DMD: variants seen among roughly 807,000 people sequenced by gnomAD.
The protein encoded by DMD is mutant dystrophin.
DMD carries 63 observed loss-of-function variants against 330.1 expected under a neutral mutation model. The observed-to-expected ratio is 0.19, with a 90% CI of 0.16 to 0.24. The LOEUF is 0.24. Ranked by LOEUF, DMD falls within the 10% of genes least tolerant of loss-of-function variation. The pLI, the probability that DMD is intolerant of heterozygous loss-of-function variation, is 1.00. For synonymous variants in DMD, 1,223 were observed against 959.8 expected (o/e 1.27, Z -5.07); for missense variants, 3,344 against 2,684.1 (o/e 1.25, Z -5.43).
intron 51 of DMD, among the ~76,000 whole-genome samples, chrX:31,753,686 T>C (rs2088802748): frequency 8.9e-6 from 1 of 111,769 alleles, no homozygotes; most frequent in African/African-American, 3.2e-5. Context: ...AAAAATCAAA[T>C]TCTGAATTTT....
At chrX:32,033,943 T>A (rs1425996078) in intron 44 of DMD, among the ~76,000 whole-genome samples, 1 of 111,920 alleles carries the variant, frequency 8.9e-6, no homozygotes, top group Non-Finnish European at 1.9e-5. Flanking sequence ...GTGATACAGA[T>A]TATCAAAAGA....
chrX:32,362,563 T>G (rs2097840796), intron 37 of DMD, among the ~76,000 whole-genome samples: 1 of 111,072 alleles, frequency 9.0e-6, no homozygotes, highest in Non-Finnish European at 1.9e-5. Context: ...CAGCAAAAGA[T>G]GAGAGAGAAA....
Position 31,680,494 on chromosome X carries a change from C to T in DMD, c.7661-908G>A, listed in dbSNP as rs1185176763. On this transcript the variant is annotated intron_variant, in intron 52 of 78. Transcript: ENST00000357033. ...CAAGCTATCCTCCTGTCTCAGCCTC[C>T]CGAGTAGCAGGAACTACAGGCACGT... Among the ~76,000 whole-genome samples, 2 of 110,034 alleles carry T rather than the reference C, an allele frequency of 1.8e-5. 1 individual carries two copies. The highest frequency in any genetic ancestry group is 3.8e-5 in the Non-Finnish European group (2 of 52,738).
chrX:32,605,603 C>G (rs1021930325), intron 12 of DMD, among the ~76,000 whole-genome samples: 1 of 110,410 alleles, frequency 9.1e-6, no homozygotes, highest in Non-Finnish European at 1.9e-5. Context: ...AAACAATCAA[C>G]AGAATGAACA....
intron 44 of DMD, among the ~76,000 whole-genome samples, chrX:32,143,072 A>T (rs1001211587): frequency 3.6e-5 from 4 of 110,334 alleles, no homozygotes; most frequent in Admixed American, 9.8e-5. Context: ...CAACTTTTAT[A>T]GGTCTACTAG....
chrX:31,205,694 T>C lies in DMD; in HGVS notation c.9649+888A>G, dbSNP rs192875316. ...TGAGAAAACTCAAGTGGAAACTACA[T>C]AAAAGTGAGGGCCAAAATGGTTTGT... On this transcript the variant is annotated intron_variant, in intron 66 of 78. Coordinates refer to ENST00000357033, the MANE Select transcript of DMD (RefSeq NM_004006.3). Among the ~76,000 whole-genome samples, 239 of 112,421 alleles carry C rather than the reference T, an allele frequency of 2.1e-3. 1 individual carries two copies. The highest frequency in any genetic ancestry group is 7.5e-3 in the African/African-American group (233 of 30,964).
Position 31,204,066 on chromosome X carries a change from C to T in DMD, c.9702G>A (p.Leu3234=). 8.3e-7 allele frequency: 1 copy of T among 1,211,336 alleles called. No individual in the cohort carries two copies. Among genetic ancestry groups the T allele is most frequent in the Non-Finnish European group, 1.1e-6 (1 of 895,071 alleles). The change falls in exon 67 of 79, where the codon CTG becomes CTA. Residue 3234 remains leucine, a synonymous_variant. Coordinates refer to ENST00000357033, the MANE Select transcript of DMD (RefSeq NM_004006.3). Reference sequence around the variant, plus strand: ...GGATAGAATCATGCAGAAGGAGGCCCAGCCTGCGCTGGTCACAAAATCCTG... The same window carrying T: ...GGATAGAATCATGCAGAAGGAGGCCTAGCCTGCGCTGGTCACAAAATCCTG... The part of the protein sequence containing the change: ...SSTGFCDQRR[L]GLLLHDSIQI...
intron 7 of DMD, among the ~76,000 whole-genome samples, chrX:32,772,226 A>C (rs1174794087): frequency 8.9e-6 from 1 of 112,710 alleles, no homozygotes; most frequent in Non-Finnish European, 1.9e-5. Flanking sequence ...TTATTAATTC[A>C]TGACATATTC....
At chrX:31,145,765 C>T (rs1177238596) in intron 76 of DMD, among the ~76,000 whole-genome samples, 1 of 108,369 alleles carries the variant, frequency 9.2e-6, no homozygotes, top group Admixed American at 9.8e-5. Flanking sequence ...TGGGCTCAAG[C>T]GATTCTCCTG....
At chrX:33,283,934 C>T (rs1050551031) in intron 1 of DMD, among the ~76,000 whole-genome samples, 3 of 110,154 alleles carry the variant, frequency 2.7e-5, no homozygotes, top group African/African-American at 6.6e-5. Context: ...AGGAGAATGG[C>T]GTGAACCCGG....
intron 34 of DMD, among the ~76,000 whole-genome samples, chrX:32,375,683 G>A (rs1471949577): frequency 9.0e-6 from 1 of 111,134 alleles, no homozygotes; most frequent in Admixed American, 9.6e-5. Flanking sequence ...CTCTTGTTCT[G>A]TATTCAGTTT....
intron 47 of DMD, among the ~76,000 whole-genome samples, chrX:31,889,505 A>T: frequency 9.1e-6 from 1 of 110,063 alleles, no homozygotes; most frequent in Non-Finnish European, 1.9e-5. Context: ...TACCCATCTA[A>T]CTATCCACCT....
chrX:32,647,216 T>C (rs1412816011), intron 9 of DMD, among the ~76,000 whole-genome samples: 1 of 111,464 alleles, frequency 9.0e-6, no homozygotes, highest in Non-Finnish European at 1.9e-5. Flanking sequence ...GTTTTAGAAG[T>C]GAAGTCCTAT....
chrX:31,236,506 G>C (rs2047731447), intron 63 of DMD, among the ~76,000 whole-genome samples: 1 of 112,347 alleles, frequency 8.9e-6, no homozygotes, highest in Non-Finnish European at 1.9e-5. Context: ...TGGTGCCACT[G>C]ATGCAGAACA....
intron 47 of DMD, among the ~76,000 whole-genome samples, chrX:31,887,719 C>T (rs1254459979): frequency 1.8e-5 from 2 of 111,734 alleles, no homozygotes; most frequent in Non-Finnish European, 3.8e-5. Context: ...TCAGTTATTA[C>T]TTTTTTCTTT....
At chrX:32,943,427 G>A (rs1016272119) in intron 2 of DMD, among the ~76,000 whole-genome samples, 6 of 111,132 alleles carry the variant, frequency 5.4e-5, no homozygotes, top group African/African-American at 2.0e-4. Flanking sequence ...AGCATTATAT[G>A]TATACATACT....
At position 31,390,400 on chromosome X, in the gene DMD, C is replaced by T. The variant is rs149797888; in HGVS notation, c.9085-41766G>A. Among the ~76,000 whole-genome samples, 413 of 110,319 alleles carry T rather than the reference C, an allele frequency of 3.7e-3. 1 individual carries two copies. Among genetic ancestry groups the T allele is most frequent in the African/African-American group, 0.013 (395 of 30,334 alleles). On this transcript the variant is annotated intron_variant, in intron 60 of 78. Transcript: ENST00000357033. ...ATTTTTCTCATTTACGCTTCTAGCT[C>T]GGGTCTCTCCTTTGAGCTATAATTG...
chrX:32,715,513 G>A (rs769606250), intron 7 of DMD, among the ~76,000 whole-genome samples: 1 of 104,373 alleles, frequency 9.6e-6, no homozygotes, highest in South Asian at 4.6e-4. Flanking sequence ...TTGACCAGGT[G>A]TGGTGGCTTA....
At chrX:32,693,775 G>A (rs1315774508) in intron 9 of DMD, among the ~76,000 whole-genome samples, 1 of 111,439 alleles carries the variant, frequency 9.0e-6, no homozygotes, top group Non-Finnish European at 1.9e-5. Context: ...GTTACAATGA[G>A]GGTAGCCTTC....
Sources: allele counts gnomAD v4.1 joint callset (sites outside exome capture counted in the v4.1 genomes callset), GRCh38; gene constraint gnomAD v4.1.1; transcripts MANE v1.5; gene names NCBI Gene and HGNC (gene_info 2026-07-23, HGNC 2026-07-21).